SLC30A8: variants seen among roughly 807,000 people sequenced by gnomAD.
The protein encoded by SLC30A8 is solute carrier family 30 member 8.
A neutral mutation model predicts 36.9 loss-of-function variants in SLC30A8; 27 were observed. The observed-to-expected ratio is 0.73, with a 90% confidence interval of 0.54 to 1.01. The LOEUF is 1.01. Ranked by LOEUF, SLC30A8 falls within the 50% of genes least tolerant of loss-of-function variation. The pLI is 0.00. For missense variants in SLC30A8, 439 were observed against 452.0 expected, an observed-to-expected ratio of 0.97 and a Z score of 0.26; for synonymous variants, 164 against 172.4, an observed-to-expected ratio of 0.95 and a Z score of 0.38.
chr8:117,038,096 C>T (rs111811483), intron 1 of SLC30A8, among the ~76,000 whole-genome samples: 2,651 of 152,162 alleles, frequency 0.017, 38 homozygotes, highest in Middle Eastern at 0.044. Flanking sequence ...TATCTAAATA[C>T]CCTCAAGCTT....
At chr8:117,118,188 A>AAC (rs906355772) in intron 2 of SLC30A8, among the ~76,000 whole-genome samples, 5 of 151,258 alleles carry the variant, frequency 3.3e-5, no homozygotes, top group African/African-American at 1.2e-4. Context: ...AAAAAAAAAA[A>AAC]AAAAACCAAA....
intron 1 of SLC30A8, among the ~76,000 whole-genome samples, chr8:117,006,719 C>A (rs1296378919): frequency 6.7e-6 from 1 of 149,830 alleles, no homozygotes; most frequent in African/African-American, 2.5e-5. Flanking sequence ...CTCAGAGATG[C>A]TAAGTAACAT....
chr8:117,105,660 C>T lies in SLC30A8; in HGVS notation c.-225-29620C>T, dbSNP rs1192554493. 2.6e-5 allele frequency among the ~76,000 whole-genome samples: 4 copies of T among 152,214 alleles called. No homozygotes were observed. The East Asian group carries it at 7.7e-4, about 29-fold the overall frequency. ...TCAAATTTCTTCTTCCCTGGCAAACCTCAGTTTTTGCTCTCAGGACTTCCA... is the reference window on the plus strand; with the variant it reads ...TCAAATTTCTTCTTCCCTGGCAAACTTCAGTTTTTGCTCTCAGGACTTCCA... On this transcript the variant is annotated intron_variant, in intron 2 of 10. Coordinates refer to the SLC30A8 transcript ENST00000427715.
intron 2 of SLC30A8, among the ~76,000 whole-genome samples, chr8:117,076,152 A>G (rs1446536846): frequency 1.3e-5 from 2 of 152,224 alleles, no homozygotes; most frequent in Non-Finnish European, 2.9e-5. Context: ...CCCTTCAGCT[A>G]GAGTTCCTTA....
At chr8:117,124,561 C>T (rs747205290) in intron 2 of SLC30A8, among the ~76,000 whole-genome samples, 5 of 151,334 alleles carry the variant, frequency 3.3e-5, no homozygotes, top group African/African-American at 7.3e-5. Context: ...ATATGACTTT[C>T]GCTCTCAACC....
At position 116,975,858 on chromosome 8, in the gene SLC30A8, CTT is replaced by C. The variant is rs1230280682; in HGVS notation, c.-266+24744_-266+24745del. On this transcript the variant is annotated intron_variant, in intron 1 of 10. Transcript: ENST00000427715. ...TAGCAGGAGATAGACTTATTCATAA[CTT>C]TTTTCAGAGGTGTCCTATTAAGACT... 2.6e-5 allele frequency among the ~76,000 whole-genome samples: 4 copies of C among 152,172 alleles called. No individual in the cohort carries two copies. In the East Asian group the frequency reaches 5.8e-4, roughly 22 times the overall value.
At chr8:117,114,903 C>T (rs1820380426) in intron 2 of SLC30A8, among the ~76,000 whole-genome samples, 2 of 151,800 alleles carry the variant, frequency 1.3e-5, no homozygotes, top group South Asian at 4.1e-4. Context: ...TGTCCTCTCT[C>T]TCTCTCTCTT....
chr8:117,024,917 A>G (rs978439827), intron 1 of SLC30A8, among the ~76,000 whole-genome samples: 4 of 152,180 alleles, frequency 2.6e-5, no homozygotes. Flanking sequence ...TCACCTGGGT[A>G]TTAAGCCCAG....
intron 1 of SLC30A8, among the ~76,000 whole-genome samples, chr8:116,958,150 C>T (rs1023768986): frequency 2.0e-5 from 3 of 152,232 alleles, no homozygotes; most frequent in Non-Finnish European, 4.4e-5. Context: ...AGTCATGCCA[C>T]GTCAGGGCTG....
rs1823571115 is a variant in SLC30A8, at chr8:117,174,520, CA to C, written c.*1840del. 6.6e-6 allele frequency: 1 copy of C among 152,538 alleles called. No individual in the cohort carries two copies. Among genetic ancestry groups the C allele is most frequent in the Non-Finnish European group, 1.5e-5 (1 of 68,028 alleles). 9.4% of individuals were successfully genotyped at this position (152,538 alleles called of 1,614,324 possible). On this transcript the variant is annotated 3_prime_UTR_variant, in exon 8 of 8. Coordinates refer to ENST00000456015, the MANE Select transcript of SLC30A8 (RefSeq NM_173851.3). ...TGCTCAGGTTCCCAACGTCTCCTGC[CA>C]CATCGGGTTCTCAAAATGGAAAGAA...
chr8:117,139,434 G>A (rs1240188929), intron 1 of SLC30A8, among the ~76,000 whole-genome samples: 1 of 152,078 alleles, frequency 6.6e-6, no homozygotes, highest in African/African-American at 2.4e-5. Context: ...GCCAGAAAGA[G>A]AACCCTCACC....
intron 1 of SLC30A8, among the ~76,000 whole-genome samples, chr8:117,021,439 C>A (rs1816692259): frequency 6.6e-6 from 1 of 152,130 alleles, no homozygotes; most frequent in Non-Finnish European, 1.5e-5. Flanking sequence ...CAACCAGCCA[C>A]AGTGTCCTCT....
chr8:117,069,379 G>T (rs546348206), intron 2 of SLC30A8, among the ~76,000 whole-genome samples: 3 of 152,280 alleles, frequency 2.0e-5, no homozygotes, highest in African/African-American at 7.2e-5. Flanking sequence ...ACCTTACAGA[G>T]CACTTAGCAT....
At chr8:117,119,209 T>C (rs929754364) in intron 2 of SLC30A8, among the ~76,000 whole-genome samples, 1 of 151,902 alleles carries the variant, frequency 6.6e-6, no homozygotes. Context: ...TAAACAATCA[T>C]CTCAGAGATC....
chr8:117,146,856 A>G (rs1383202706), intron 1 of SLC30A8, 98 bp from the exon 2 acceptor site: 2 of 1,542,762 alleles, frequency 1.3e-6, no homozygotes, highest in Non-Finnish European at 1.8e-6. Flanking sequence ...CAAGTAAGCA[A>G]ATGTCCTAAT....
chr8:117,143,728 A>G (rs916333401), intron 1 of SLC30A8, among the ~76,000 whole-genome samples: 6 of 150,834 alleles, frequency 4.0e-5, no homozygotes, highest in African/African-American at 1.2e-4. Context: ...TACAATTCCA[A>G]TGGACCTTAT....
chr8:117,053,662 T>C (rs1817780511), intron 2 of SLC30A8, among the ~76,000 whole-genome samples: 1 of 152,188 alleles, frequency 6.6e-6, no homozygotes, highest in African/African-American at 2.4e-5. Context: ...CCCTTTTCTG[T>C]CTGAAGCCAA....
At chr8:116,963,743 C>A (rs1388082351) in intron 1 of SLC30A8, among the ~76,000 whole-genome samples, 1 of 152,200 alleles carries the variant, frequency 6.6e-6, no homozygotes, top group Admixed American at 6.5e-5. Context: ...TTCATTTGAA[C>A]ACCTGTTTTC....
intron 1 of SLC30A8, among the ~76,000 whole-genome samples, chr8:117,036,075 TTTAC>T (rs1280979437): frequency 6.6e-6 from 1 of 151,972 alleles, no homozygotes; most frequent in Non-Finnish European, 1.5e-5. Flanking sequence ...TTGGCTCCTC[TTTAC>T]TTACGCAACT....
Sources: gnomAD v4.1 joint callset for allele counts (sites outside exome capture counted in the v4.1 genomes callset) on GRCh38, gnomAD v4.1.1 for gene constraint, MANE v1.5 for transcripts, NCBI Gene and HGNC (gene_info 2026-07-23, HGNC 2026-07-21) for gene names.